KCNIP4: variants seen among roughly 807,000 people sequenced by gnomAD.
KCNIP4 encodes Kv channel-interacting protein 4.
A neutral mutation model predicts 34.0 loss-of-function variants in KCNIP4; 12 were observed. That is an observed-to-expected ratio of 0.35 (90% confidence interval 0.23 to 0.57). KCNIP4 has a LOEUF of 0.57. Ranked by LOEUF, KCNIP4 falls within the 20% of genes least tolerant of loss-of-function variation. The pLI is 0.83. For synonymous variants in KCNIP4, 124 were observed against 102.2 expected (o/e 1.21, Z -1.29); for missense variants, 238 against 311.7 (o/e 0.76, Z 1.78).
At chr4:20,970,098 C>T (rs185060932) in intron 1 of KCNIP4, among the ~76,000 whole-genome samples, 3,240 of 152,088 alleles carry the variant, frequency 0.021, 25 homozygotes, top group Non-Finnish European at 0.027. Flanking sequence ...CCCGCCACCA[C>T]GCCCGGCTAA....
intron 1 of KCNIP4, among the ~76,000 whole-genome samples, chr4:21,371,369 G>A (rs1296523168): frequency 6.8e-6 from 1 of 146,304 alleles, no homozygotes; most frequent in East Asian, 2.0e-4. Flanking sequence ...GGCAGATGGG[G>A]AACCAGTTGA....
rs1177046429 is a variant in KCNIP4, at chr4:20,729,527, T to TTTCTAACAGAAGGTGGG, written c.*538_*554dup. The TTTCTAACAGAAGGTGGG allele has an allele frequency of 1.4e-5, 2 of 139,190 alleles. No homozygotes were observed. Among genetic ancestry groups the TTTCTAACAGAAGGTGGG allele is most frequent in the Admixed American group, 7.3e-5 (1 of 13,766 alleles). 8.6% of individuals were successfully genotyped at this position (139,190 alleles called of 1,614,324 possible). ...GTTTAAAAATGCCAGATAAAACTAA[T>TTTCTAACAGAAGGTGGG]TTCTAACAGAAGGTGGGAAGGCCAT... On this transcript the variant is annotated 3_prime_UTR_variant, in exon 9 of 9. Transcript: ENST00000382152.
At chr4:20,930,854 CAA>C (rs1730389236) in intron 1 of KCNIP4, among the ~76,000 whole-genome samples, 1 of 144,614 alleles carries the variant, frequency 6.9e-6, no homozygotes, top group Non-Finnish European at 1.5e-5. Flanking sequence ...AAAAAAAAGA[CAA>C]GAGGTTACTG....
intron 2 of KCNIP4, among the ~76,000 whole-genome samples, chr4:20,852,879 C>T (rs572396401): frequency 6.6e-6 from 1 of 152,192 alleles, no homozygotes; most frequent in African/African-American, 2.4e-5. Flanking sequence ...TTTACAATAG[C>T]TGCAAAAATA....
chr4:20,802,188 TATATATGCTATATATATATGCTAC>T (rs1714363579), intron 3 of KCNIP4, among the ~76,000 whole-genome samples: 1 of 48,088 alleles, frequency 2.1e-5, no homozygotes, highest in Admixed American at 2.9e-4. Flanking sequence ...ATATATGCTA[TATATATGCTATATATATATGCTAC>T]ATATATGCTA....
intron 1 of KCNIP4, among the ~76,000 whole-genome samples, chr4:21,325,076 T>C (rs1275585194): frequency 6.6e-6 from 1 of 151,870 alleles, no homozygotes; most frequent in Non-Finnish European, 1.5e-5. Context: ...CATATAGAAA[T>C]ACTATGGATT....
In KCNIP4 at chr4:20,877,106, T is replaced by C. The variant is rs777147866; in HGVS notation, c.163+5502A>G. ...GACTCCTTGCCCTTCTGGTTTCCCA[T>C]TGGGTTTGGCCACGGGTGAAGAGGA... On this transcript the variant is annotated intron_variant, in intron 2 of 8. Coordinates refer to ENST00000382152, the MANE Select transcript of KCNIP4 (RefSeq NM_025221.6). 2.6e-5 allele frequency among the ~76,000 whole-genome samples: 4 copies of C among 152,306 alleles called. No individual in the cohort carries two copies. The South Asian group carries it at 6.2e-4, about 24-fold the overall frequency.
intron 2 of KCNIP4, among the ~76,000 whole-genome samples, chr4:20,875,398 A>G (rs1577296467): frequency 6.6e-6 from 1 of 152,056 alleles, no homozygotes; most frequent in South Asian, 2.1e-4. Flanking sequence ...AATCCTGTCC[A>G]CCTTACAGAG....
chr4:21,754,026 G>C (rs1481626032), intron 1 of KCNIP4, among the ~76,000 whole-genome samples: 1 of 152,182 alleles, frequency 6.6e-6, no homozygotes, highest in Admixed American at 6.5e-5. Flanking sequence ...ACCAACGAAT[G>C]AGACAGAAGT....
intron 1 of KCNIP4, among the ~76,000 whole-genome samples, chr4:21,654,032 C>G (rs1040632036): frequency 6.6e-6 from 1 of 152,088 alleles, no homozygotes. Context: ...TTGCCATTAA[C>G]CTATTTATAT....
chr4:21,659,120 T>C (rs1311668396), intron 1 of KCNIP4, among the ~76,000 whole-genome samples: 2 of 152,198 alleles, frequency 1.3e-5, no homozygotes, highest in Non-Finnish European at 2.9e-5. Context: ...ATATTTTCTT[T>C]CAAAAGTGTT....
chr4:20,865,695 T>G (rs1384689838), intron 2 of KCNIP4, among the ~76,000 whole-genome samples: 1 of 151,950 alleles, frequency 6.6e-6, no homozygotes, highest in Non-Finnish European at 1.5e-5. Flanking sequence ...AAACAATGGT[T>G]AAAGTGGGGA....
At chr4:21,579,444 A>G (rs2109068362) in intron 1 of KCNIP4, among the ~76,000 whole-genome samples, 1 of 152,300 alleles carries the variant, frequency 6.6e-6, no homozygotes, top group Non-Finnish European at 1.5e-5. Context: ...CCATGTTAAA[A>G]ATTGATTTAA....
intron 1 of KCNIP4, among the ~76,000 whole-genome samples, chr4:21,343,213 C>T (rs533270770): frequency 6.6e-6 from 1 of 151,898 alleles, no homozygotes; most frequent in Non-Finnish European, 1.5e-5. Flanking sequence ...TTCTGCAGGT[C>T]CAAAGTCAAT....
intron 1 of KCNIP4, among the ~76,000 whole-genome samples, chr4:21,384,775 G>T (rs573807176): frequency 6.6e-6 from 1 of 152,256 alleles, no homozygotes; most frequent in Middle Eastern, 3.4e-3. Context: ...GACAACACTG[G>T]CCACATCTAC....
At chr4:21,491,012 C>G (rs554192075) in intron 1 of KCNIP4, among the ~76,000 whole-genome samples, 8 of 152,102 alleles carry the variant, frequency 5.3e-5, no homozygotes, top group African/African-American at 1.9e-4. Context: ...ATCTCCACAT[C>G]ACTCCCCAAT....
chr4:21,473,581 A>C (rs1730649655), intron 1 of KCNIP4, among the ~76,000 whole-genome samples: 1 of 152,224 alleles, frequency 6.6e-6, no homozygotes, highest in Admixed American at 6.5e-5. Context: ...CATACATTTA[A>C]CATACATCAT....
At chr4:21,122,457 GTTT>G (rs10553440) in intron 1 of KCNIP4, among the ~76,000 whole-genome samples, 17,401 of 126,344 alleles carry the variant, frequency 0.14, 1,601 homozygotes, top group African/African-American at 0.23. Flanking sequence ...TGCAGATCAA[GTTT>G]TTTTTTTTTT....
chr4:20,922,547 G>GTCTGTCTGTCTATCTA (rs373186954), intron 1 of KCNIP4, among the ~76,000 whole-genome samples: 9,672 of 129,206 alleles, frequency 0.075, 439 homozygotes, highest in East Asian at 0.1. Context: ...CTGTCTGTCT[G>GTCTGTCTGTCTATCTA]TCTATCTATC....
Sources: allele counts gnomAD v4.1 joint callset (sites outside exome capture counted in the v4.1 genomes callset), GRCh38; gene constraint gnomAD v4.1.1; transcripts MANE v1.5; gene names NCBI Gene and HGNC (gene_info 2026-07-23, HGNC 2026-07-21).